Variants in MAST2 observed in about 807,000 individuals in gnomAD.
MAST2 encodes the protein microtubule associated serine/threonine kinase 2.
Under a neutral mutation model 147.4 loss-of-function variants are expected in MAST2, and 70 were observed. That is an observed-to-expected ratio of 0.47 (90% CI 0.39 to 0.58). MAST2 has a LOEUF of 0.58. MAST2 is among the 20% of genes least tolerant of loss of function. MAST2 has a pLI of 0.00. For synonymous variants in MAST2, 869 were observed against 896.8 expected, an observed-to-expected ratio of 0.97 and a Z score of 0.55; for missense variants, 2,080 against 2,302.3, an observed-to-expected ratio of 0.90 and a Z score of 1.98.
chr1:45,822,558 C>T (rs560268564), intron 1 of MAST2, among the ~76,000 whole-genome samples: 5 of 152,284 alleles, frequency 3.3e-5, no homozygotes, highest in South Asian at 4.1e-4. Flanking sequence ...CTGGCTAAGA[C>T]GGATTATTCA....
Position 46,031,718 on chromosome 1 carries a change from T to C in MAST2, c.3187+133T>C. On this transcript the variant is annotated intron_variant, in intron 24 of 28. Transcript: ENST00000361297. This position sits in a 1 kb window ranked among gnomAD's most constrained non-coding sequence, Gnocchi z 4.1. The stretch of plus-strand genomic sequence containing the variant: ...GATCTGACTGTGGTCTCTGAAGGTG[T>C]GTATTGGTGTCTGGGGTTGTGTATA... The C allele has an allele frequency of 2.3e-6, 2 of 888,240 alleles. No individual in the cohort carries two copies. The highest frequency in any genetic ancestry group is 3.4e-6 in the Non-Finnish European group (2 of 593,552). The allele number at this position is 888,240 out of a possible 1,614,324, so 55.0% of individuals were successfully genotyped here. A position where few individuals can be genotyped will look rare whatever the true frequency, so the allele number is the denominator to read the frequency against.
chr1:45,844,037 A>T (rs1645354893), intron 3 of MAST2, among the ~76,000 whole-genome samples: 1 of 152,230 alleles, frequency 6.6e-6, no homozygotes, highest in Non-Finnish European at 1.5e-5. Flanking sequence ...CCTTAAAAAT[A>T]GTGACGTCAA....
At chr1:45,811,889 C>T (rs1644314078) in intron 1 of MAST2, among the ~76,000 whole-genome samples, 1 of 152,180 alleles carries the variant, frequency 6.6e-6, no homozygotes. Context: ...CTGTCTCGGC[C>T]TCCCAAAGTG....
intron 3 of MAST2, among the ~76,000 whole-genome samples, chr1:45,851,190 A>G (rs1645612742): frequency 6.6e-6 from 1 of 152,030 alleles, no homozygotes. Context: ...CTCCTTGGTT[A>G]GATGTATTCT....
chr1:45,833,506 A>G (rs923008921), intron 3 of MAST2, among the ~76,000 whole-genome samples: 1 of 152,220 alleles, frequency 6.6e-6, no homozygotes, highest in African/African-American at 2.4e-5. Context: ...ACAAATTTTA[A>G]TGTAGATATA....
intron 5 of MAST2, among the ~76,000 whole-genome samples, chr1:45,980,483 A>G (rs1644364764): frequency 6.6e-6 from 1 of 151,810 alleles, no homozygotes. Flanking sequence ...ATTATTTTTT[A>G]TGTGAATTTT....
At position 45,882,518 on chromosome 1, in the gene MAST2, A is replaced by G. The variant is rs528022997; in HGVS notation, c.500+123A>G. On this transcript the variant is annotated intron_variant, in intron 4 of 28. Coordinates refer to ENST00000361297, the MANE Select transcript of MAST2 (RefSeq NM_015112.3). ...ACACAATTTCTTTCTGTGTACTCCT[A>G]TCTGAGCTAGGGAAGCCAGCAGGCC... The G allele has an allele frequency of 7.6e-5, 55 of 721,066 alleles. No individual in the cohort carries two copies. In the African/African-American group the frequency reaches 8.8e-4, roughly 12 times the overall value. The allele number at this position is 721,066 out of a possible 1,614,324, so 44.7% of individuals were successfully genotyped here.
At chr1:45,861,694 C>T (rs549434090) in intron 3 of MAST2, among the ~76,000 whole-genome samples, 1 of 152,094 alleles carries the variant, frequency 6.6e-6, no homozygotes, top group Admixed American at 6.6e-5. Flanking sequence ...TCTCAATCCC[C>T]TCCCTTCCTT....
chr1:45,907,637 G>A (rs1279514087), intron 4 of MAST2, among the ~76,000 whole-genome samples: 1 of 152,054 alleles, frequency 6.6e-6, no homozygotes, highest in Non-Finnish European at 1.5e-5. Context: ...TATTCACAAT[G>A]TCATGCAACT....
intron 7 of MAST2, among the ~76,000 whole-genome samples, chr1:46,005,193 T>C (rs1409917911): frequency 6.6e-6 from 1 of 152,068 alleles, no homozygotes; most frequent in African/African-American, 2.4e-5. Flanking sequence ...AAAAACCCCA[T>C]CTTTATTAAA....
At chr1:45,984,111 T>C (rs1014297260) in intron 5 of MAST2, among the ~76,000 whole-genome samples, 1 of 152,154 alleles carries the variant, frequency 6.6e-6, no homozygotes, top group African/African-American at 2.4e-5. Context: ...ATCTATTGTT[T>C]AAAAATATAA....
At chr1:45,819,299 C>A (rs895923836) in intron 1 of MAST2, among the ~76,000 whole-genome samples, 1 of 150,454 alleles carries the variant, frequency 6.6e-6, no homozygotes, top group Non-Finnish European at 1.5e-5. Flanking sequence ...ATGACAAATT[C>A]TAATCATGCA....
rs886543350 is a variant in MAST2 at position 45,814,216 on chromosome 1, T to TA, written c.177+10154dup. On this transcript the variant is annotated intron_variant, in intron 1 of 28. Transcript: ENST00000361297. The stretch of plus-strand genomic sequence containing the variant: ...TATTTTAGAGTGTACCCCTACTTAT[T>TA]AAAAAAAAAAGTTAACTGTAAAACA... Among the ~76,000 whole-genome samples, 28 of 149,090 alleles carry TA rather than the reference T, an allele frequency of 1.9e-4. No individual in the cohort carries two copies. In the East Asian group the frequency reaches 2.9e-3, roughly 16 times the overall value.
intron 10 of MAST2, among the ~76,000 whole-genome samples, chr1:46,016,104 G>A (rs1309114975): frequency 2.0e-5 from 3 of 151,406 alleles, no homozygotes; most frequent in African/African-American, 4.9e-5. Flanking sequence ...ATGCAGAAAA[G>A]GCCTTTGACA....
chr1:46,031,624 GGGCCTTGTAATCTCTA>G lies in MAST2; in HGVS notation c.3187+47_3187+62del. The G allele has an allele frequency of 6.3e-7, 1 of 1,585,724 alleles. No individual in the cohort carries two copies. The highest frequency in any genetic ancestry group is 8.6e-7 in the Non-Finnish European group (1 of 1,160,968). ...GGAGCTGGGATAAAACTCACAGGAA[GGGCCTTGTAATCTCTA>G]GGCCTTGGGAGGGTTCTGCACGTGG... is the stretch of plus-strand genomic sequence containing the variant. On this transcript the variant is annotated intron_variant, in intron 24 of 28. Transcript: ENST00000361297. This position sits in a 1 kb window ranked among gnomAD's most constrained non-coding sequence, Gnocchi z 4.1.
Position 45,959,431 on chromosome 1 carries a change from A to G in MAST2, c.546A>G (p.Thr182=), listed in dbSNP as rs777573905. 8 of 1,613,736 alleles carry G rather than the reference A, an allele frequency of 5.0e-6. No individual in the cohort carries two copies. The highest frequency in any genetic ancestry group is 1.6e-4 in the Middle Eastern group (1 of 6,078). ...AGAGCTTGATTGTGACCTCTAGCAC[A>G]TCACCTACACTACCACGGCCACACT... ...NRKSLIVTSS[T]SPTLPRPHSP... The change falls in exon 5 of 29, where the codon ACA becomes ACG. Residue 182 remains threonine (T), a synonymous_variant. Transcript: ENST00000361297.
chr1:46,022,154 T>C, intron 12 of MAST2, 72 bp downstream of exon 12: 1 of 1,587,222 alleles, frequency 6.3e-7, no homozygotes, highest in East Asian at 2.2e-5. Context: ...GGGAAGCTGC[T>C]TGGAAAAGAG....
intron 5 of MAST2, among the ~76,000 whole-genome samples, chr1:45,986,837 G>A (rs1433694145): frequency 1.3e-5 from 2 of 151,936 alleles, no homozygotes; most frequent in East Asian, 3.9e-4. Flanking sequence ...TTAGTCTGTA[G>A]TTATCTTATA....
chr1:46,020,712 A>C (rs1646148480), intron 11 of MAST2, among the ~76,000 whole-genome samples: 1 of 152,108 alleles, frequency 6.6e-6, no homozygotes, highest in African/African-American at 2.4e-5. Context: ...GCTCCCAGAC[A>C]ATAACTTAAC....
Sources: gnomAD v4.1 joint callset for allele counts (sites outside exome capture counted in the v4.1 genomes callset) on GRCh38, gnomAD v4.1.1 for gene constraint, Gnocchi (gnomAD v3.1) non-coding constraint, MANE v1.5 for transcripts, NCBI Gene and HGNC (gene_info 2026-07-23, HGNC 2026-07-21) for gene names.